CCND3: variants seen among roughly 807,000 people sequenced by gnomAD.
The protein encoded by CCND3 is cyclin D3, also known as G1/S-specific cyclin-D3.
CCND3 carries 9 observed loss-of-function variants against 28.7 expected under a neutral mutation model. That is an observed-to-expected ratio of 0.31 (90% CI 0.19 to 0.55). CCND3 has a LOEUF of 0.55. Ranked by LOEUF, CCND3 falls within the 20% of genes least tolerant of loss-of-function variation. The pLI is 0.93. For synonymous variants in CCND3, 164 were observed against 163.9 expected (o/e 1.00, Z 0.00); for missense variants, 315 against 385.8 (o/e 0.82, Z 1.54).
intron 1 of CCND3, among the ~76,000 whole-genome samples, chr6:41,951,244 T>C (rs1490583090): frequency 1.3e-5 from 2 of 151,586 alleles, no homozygotes; most frequent in African/African-American, 4.8e-5. Context: ...AGAAATGGGA[T>C]TGCAGGAGTT....
chr6:41,953,393 C>T (rs1174597034), intron 1 of CCND3, among the ~76,000 whole-genome samples: 1 of 151,994 alleles, frequency 6.6e-6, no homozygotes, highest in Non-Finnish European at 1.5e-5. Context: ...TTTTCTCAGC[C>T]TGTCAAAGGG....
At chr6:42,033,343 G>A (rs374580804) in intron 1 of CCND3, among the ~76,000 whole-genome samples, 22 of 151,880 alleles carry the variant, frequency 1.4e-4, no homozygotes, top group African/African-American at 3.4e-4. Context: ...CCAGCTACTC[G>A]GAAGGCTAAG....
intron 1 of CCND3, among the ~76,000 whole-genome samples, chr6:41,955,831 A>G (rs536558604): frequency 6.6e-6 from 1 of 152,100 alleles, no homozygotes; most frequent in Non-Finnish European, 1.5e-5. Flanking sequence ...GCATGCCTGC[A>G]GTCTCAGCTA....
intron 1 of CCND3, among the ~76,000 whole-genome samples, chr6:41,984,746 T>A (rs1346708669): frequency 6.6e-6 from 1 of 152,216 alleles, no homozygotes; most frequent in East Asian, 1.9e-4. Flanking sequence ...GTGCAAGCAT[T>A]CCCTTTTCTC....
intron 1 of CCND3, among the ~76,000 whole-genome samples, chr6:41,993,406 T>TCTG (rs1762709703): frequency 8.6e-6 from 1 of 116,162 alleles, no homozygotes; most frequent in Admixed American, 1.1e-4. Context: ...TAAGCTCATG[T>TCTG]CTTCTTTTTT....
intron 1 of CCND3, among the ~76,000 whole-genome samples, chr6:42,026,282 C>T (rs1010316170): frequency 2.1e-4 from 32 of 152,006 alleles, no homozygotes; most frequent in African/African-American, 7.2e-4. Flanking sequence ...CTCCCCCCGC[C>T]GCCCCCCTGC....
At chr6:42,046,135 TG>T (rs1764536214) in intron 1 of CCND3, among the ~76,000 whole-genome samples, 1 of 152,194 alleles carries the variant, frequency 6.6e-6, no homozygotes, top group Admixed American at 6.5e-5. Context: ...CGAAGTGCTT[TG>T]ACTGCAGGCA....
At chr6:42,005,995 C>T (rs1454021186) in intron 1 of CCND3, among the ~76,000 whole-genome samples, 2 of 151,504 alleles carry the variant, frequency 1.3e-5, no homozygotes, top group African/African-American at 4.9e-5. Flanking sequence ...GACCCCATTT[C>T]TACACAAAAA....
chr6:41,970,525 A>G (rs544553230), intron 1 of CCND3, among the ~76,000 whole-genome samples: 5 of 152,346 alleles, frequency 3.3e-5, no homozygotes, highest in Admixed American at 2.6e-4. Context: ...TTGAGGTCAC[A>G]TAGCAGAGTG....
intron 1 of CCND3, among the ~76,000 whole-genome samples, chr6:42,021,404 G>A (rs912768408): frequency 4.6e-5 from 7 of 152,192 alleles, no homozygotes; most frequent in Non-Finnish European, 8.8e-5. Flanking sequence ...ATCCTACAGA[G>A]TGATGGGCAC....
At chr6:41,949,674 T>A (rs1011299269) in intron 1 of CCND3, among the ~76,000 whole-genome samples, 4 of 152,044 alleles carry the variant, frequency 2.6e-5, no homozygotes, top group African/African-American at 9.7e-5. Context: ...AAGCCACACA[T>A]AATATGCCTA....
intron 1 of CCND3, among the ~76,000 whole-genome samples, chr6:41,948,333 G>A (rs11755335): frequency 1.7e-4 from 19 of 113,606 alleles, no homozygotes; most frequent in African/African-American, 6.1e-4. Context: ...TAAGTTTTTT[G>A]TTTTTTTTTG....
chr6:42,023,159 A>G (rs914951423), intron 1 of CCND3, among the ~76,000 whole-genome samples: 1 of 152,238 alleles, frequency 6.6e-6, no homozygotes, highest in Non-Finnish European at 1.5e-5. Context: ...GGGACAGGGC[A>G]GTGCTCTGCC....
chr6:41,935,997 G>A lies in CCND3; in HGVS notation c.822C>T (p.Ser274=), dbSNP rs2127389406. ...SPAPKAPRGS[S]SQGPSQTSTP... is the part of the protein sequence containing the mutation. ...TGCTGGTCTGGCTGGGCCCTTGGCTGCTGGAGCCCCGGGGGGCTTTGGGCG... is the reference window on the plus strand; with the variant it reads ...TGCTGGTCTGGCTGGGCCCTTGGCTACTGGAGCCCCGGGGGGCTTTGGGCG... The change falls in exon 5 of 5, where the codon AGC becomes AGT. Residue 274 remains serine, a synonymous_variant. Transcript: ENST00000372991. 6.2e-7 allele frequency: 1 copy of A among 1,613,526 alleles called. No homozygotes were observed. The highest frequency in any genetic ancestry group is 1.7e-5 in the Admixed American group (1 of 59,918).
intron 1 of CCND3, among the ~76,000 whole-genome samples, chr6:41,993,234 T>G (rs749601379): frequency 1.3e-5 from 2 of 152,122 alleles, no homozygotes; most frequent in Non-Finnish European, 2.9e-5. Context: ...AACTCCATAA[T>G]GTTTGCTATA....
intron 1 of CCND3, among the ~76,000 whole-genome samples, chr6:41,977,093 C>T (rs1762205509): frequency 6.6e-6 from 1 of 152,190 alleles, no homozygotes; most frequent in Non-Finnish European, 1.5e-5. Flanking sequence ...ATCCAGCCTG[C>T]AGCCCTGAGA....
At chr6:41,950,726 T>A (rs1040328750) in intron 1 of CCND3, among the ~76,000 whole-genome samples, 6 of 150,840 alleles carry the variant, frequency 4.0e-5, no homozygotes, top group Non-Finnish European at 8.9e-5. Context: ...TTTTTTTTTT[T>A]GAGATGGAGT....
In CCND3 at chr6:42,016,585, A is replaced by ATT. The variant is rs1763519715; in HGVS notation, c.-46+31915_-46+31916insAA. On this transcript the variant is annotated intron_variant, in intron 1 of 4. Coordinates refer to the CCND3 transcript ENST00000372988. Reference sequence around the variant, plus strand: ...TTGATAAATGTTAGCTGCTATTACTATCTATTACTTTTTTTTTTTTTTTTT... The same window carrying ATT: ...TTGATAAATGTTAGCTGCTATTACTATTTCTATTACTTTTTTTTTTTTTTTTT... Among the ~76,000 whole-genome samples, 6 of 9,098 alleles carry ATT rather than the reference A, an allele frequency of 6.6e-4. 3 individuals carry two copies. The highest frequency in any genetic ancestry group is 3.7e-3 in the Non-Finnish European group (6 of 1,624). 6.0% of individuals were successfully genotyped at this position (9,098 alleles called of 152,430 possible).
chr6:42,002,515 A>G (rs995603262), intron 1 of CCND3, among the ~76,000 whole-genome samples: 1 of 151,970 alleles, frequency 6.6e-6, no homozygotes, highest in East Asian at 1.9e-4. Context: ...CAATGCAGCT[A>G]AAACAACACT....
Sources: allele counts gnomAD v4.1 joint callset (sites outside exome capture counted in the v4.1 genomes callset), GRCh38; gene constraint gnomAD v4.1.1; transcripts MANE v1.5; gene names NCBI Gene and HGNC (gene_info 2026-07-23, HGNC 2026-07-21).